MRPS7: variants seen among roughly 807,000 people sequenced by gnomAD.
MRPS7 encodes the protein small ribosomal subunit protein uS7m.
MRPS7 carries 13 observed loss-of-function variants against 26.2 expected under a neutral mutation model. That is an observed-to-expected ratio of 0.50 (90% CI 0.32 to 0.79). The LOEUF (loss-of-function observed/expected upper bound fraction) is 0.79. MRPS7 is among the 30% of genes least tolerant of loss of function. MRPS7 has a pLI of 0.03. For missense variants in MRPS7, 318 were observed against 312.2 expected (o/e 1.02, Z -0.14); for synonymous variants, 129 against 113.3 (o/e 1.14, Z -0.88).
chr17:75,266,149 G>T lies in MRPS7; in HGVS notation c.*226G>T. 1.8e-6 allele frequency: 1 copy of T among 566,216 alleles called. No individual in the cohort carries two copies. Among genetic ancestry groups the T allele is most frequent in the Non-Finnish European group, 3.1e-6 (1 of 318,416 alleles). The allele number at this position is 566,216 out of a possible 1,614,324, so 35.1% of individuals were successfully genotyped here. On this transcript the variant is annotated 3_prime_UTR_variant, in exon 5 of 5. Transcript: ENST00000245539. ...TGTAAAGAGGGAGCACATTGACTTG[G>T]GAATTTCCTCCAGGAAACTCAGGGC...
At chr17:75,264,248 A>C (rs2077452454) in intron 4 of MRPS7, 1 of 151,972 alleles carries the variant, frequency 6.6e-6, no homozygotes, top group Admixed American at 6.6e-5. Flanking sequence ...AATTATAGGC[A>C]GAAGGTGGAA....
At chr17:75,265,362 A>ACAG (rs1598481125) in intron 4 of MRPS7, among the ~76,000 whole-genome samples, 2 of 150,502 alleles carry the variant, frequency 1.3e-5, no homozygotes, top group East Asian at 3.9e-4. Flanking sequence ...ATATATGGAG[A>ACAG]CAGGGTCTTG....
chr17:75,262,114 C>T, intron 1 of MRPS7, 131 bp downstream of exon 1: 3 of 1,045,158 alleles, frequency 2.9e-6, no homozygotes, highest in Non-Finnish European at 4.1e-6. Context: ...TCTAAGTTAG[C>T]TGCGTGACCC....
In MRPS7 at chr17:75,262,785, G is replaced by A. The variant is rs1484001405; in HGVS notation, c.276-19G>A. ...GATACAGCCTTGGAGAGCTAAACGT[G>A]TTGCTTTTCTCTTTGAAGTAAATTC... On this transcript the variant is annotated intron_variant, in intron 2 of 4. Coordinates refer to ENST00000245539, the MANE Select transcript of MRPS7 (RefSeq NM_015971.4). The A allele has an allele frequency of 1.9e-6, 3 of 1,613,968 alleles. No homozygotes were observed. The highest frequency in any genetic ancestry group is 1.7e-6 in the Non-Finnish European group (2 of 1,179,994).
rs780517457 is a variant in MRPS7, at chr17:75,265,742, C to T, written c.548C>T (p.Ala183Val). The stretch of plus-strand genomic sequence containing the variant: ...CCCGACCGGCGTCGCCGCTTCCTAG[C>T]CATGAAGTGGATGATCACTGAGTGC... ...PLPDRRRRFL[A>V]MKWMITECRD... Residue 183 changes from alanine to valine, a missense_variant, in exon 5 of 5, where the codon GCC becomes GTC. Transcript: ENST00000245539. 6.2e-7 allele frequency: 1 copy of T among 1,614,126 alleles called. No homozygotes were observed. Among genetic ancestry groups the T allele is most frequent in the Non-Finnish European group, 8.5e-7 (1 of 1,180,046 alleles).
At chr17:75,262,326 A>G in intron 1 of MRPS7, 171 bp from the exon 2 acceptor site, 1 of 768,970 alleles carries the variant, frequency 1.3e-6, no homozygotes, top group Non-Finnish European at 2.2e-6. Flanking sequence ...CTGCTTGGGG[A>G]ATGTCCTCCT....
rs1211405579 is a variant in MRPS7 at position 75,261,906 on chromosome 17, T to C, written c.6T>C (p.Ala2=). The C allele has an allele frequency of 6.2e-7, 1 of 1,608,688 alleles. No homozygotes were observed. The highest frequency in any genetic ancestry group is 1.7e-5 in the Admixed American group (1 of 59,940). The stretch of plus-strand genomic sequence containing the variant: ...GGTCCTCGTGGCCAGCCAAGATGGC[T>C]GCCCCCGCAGTGAAGGTTGCCCGAG... The part of the protein sequence containing the change: M[A]APAVKVARGW... Residue 2 remains alanine, a synonymous_variant, in exon 1 of 5, where the codon GCT becomes GCC. Transcript: ENST00000245539.
In MRPS7 at chr17:75,266,244, G is replaced by C. The variant is rs942665991; in HGVS notation, c.*321G>C. On this transcript the variant is annotated 3_prime_UTR_variant, in exon 5 of 5. Transcript: ENST00000245539. The stretch of plus-strand genomic sequence containing the variant: ...AGGAAGCAGTTTTAGTATCAGAAAA[G>C]ATTTATTAGAAAATTCTCACGCTGA... 2.5e-6 allele frequency: 1 copy of C among 405,492 alleles called. No individual in the cohort carries two copies. Among genetic ancestry groups the C allele is most frequent in the African/African-American group, 2.0e-5 (1 of 49,440 alleles). 25.1% of individuals were successfully genotyped at this position (405,492 alleles called of 1,614,324 possible). A position where few individuals can be genotyped will look rare whatever the true frequency, so the allele number is the denominator to read the frequency against.
chr17:75,262,473 C>T (rs770339398), intron 1 of MRPS7, 24 bp from the exon 2 acceptor site: 2 of 1,609,570 alleles, frequency 1.2e-6, no homozygotes, highest in Non-Finnish European at 1.7e-6. Flanking sequence ...CTTTTGCCTG[C>T]CTCCTCCTTT....
At chr17:75,262,920 C>G in intron 3 of MRPS7, 53 bp downstream of exon 3, 1 of 1,550,644 alleles carries the variant, frequency 6.4e-7, no homozygotes. Flanking sequence ...ACCCCGTAGC[C>G]TTGTACTTGG....
In MRPS7 at chr17:75,265,702, G is replaced by A. The variant is rs769130683; in HGVS notation, c.508G>A (p.Val170Ile). The A allele has an allele frequency of 2.5e-6, 4 of 1,613,520 alleles. No homozygotes were observed. Among genetic ancestry groups the A allele is most frequent in the South Asian group, 1.1e-5 (1 of 91,086 alleles). ...PILKGGRFYQ[V>I]PVPLPDRRRR... Reference sequence around the variant, plus strand: ...CTTGCCTATGTCCTGTCTCACCCAGGTCCCTGTACCCCTACCCGACCGGCG... The same window carrying A: ...CTTGCCTATGTCCTGTCTCACCCAGATCCCTGTACCCCTACCCGACCGGCG... Residue 170 changes from valine to isoleucine, a missense_variant and splice_region_variant, in exon 5 of 5, where the codon GTC (valine) becomes ATC (isoleucine). By Grantham distance (29) the Val-to-Ile change is conservative. Coordinates refer to ENST00000245539, the MANE Select transcript of MRPS7 (RefSeq NM_015971.4).
At chr17:75,262,141 T>C in intron 1 of MRPS7, 158 bp downstream of exon 1, 1 of 856,580 alleles carries the variant, frequency 1.2e-6, no homozygotes, top group Middle Eastern at 3.5e-4. Flanking sequence ...AATCCGAAGG[T>C]TTAGTGACTA....
In MRPS7 at chr17:75,263,443, C is replaced by T; in HGVS notation, c.443C>T (p.Ala148Val). 4 of 1,614,100 alleles carry T rather than the reference C, an allele frequency of 2.5e-6. No individual in the cohort carries two copies. Among genetic ancestry groups the T allele is most frequent in the Non-Finnish European group, 3.4e-6 (4 of 1,180,030 alleles). Reference protein sequence around the residue: ...ERNPYTIFHQALKNCEPMIGL... With the variant: ...ERNPYTIFHQVLKNCEPMIGL... ...AACCCCTACACCATCTTCCATCAAG[C>T]ACTGAAAAACTGTGAGCCTATGATT... Residue 148 changes from alanine (A) to valine (V), a missense_variant, in exon 4 of 5, where the codon GCA becomes GTA. Physicochemically the swap from Ala to Val is moderately conservative, Grantham distance 64 (BLOSUM62 0). Transcript: ENST00000245539.
chr17:75,261,889 T>TG lies in MRPS7; in HGVS notation c.-10dup. 1 of 1,607,416 alleles carries TG rather than the reference T, an allele frequency of 6.2e-7. No homozygotes were observed. Among genetic ancestry groups the TG allele is most frequent in the South Asian group, 1.1e-5 (1 of 90,862 alleles). ...GAGGGCAGTCCTTGTGGGGTCCTCG[T>TG]GGCCAGCCAAGATGGCTGCCCCCGC... is the stretch of plus-strand genomic sequence containing the variant. On this transcript the variant is annotated 5_prime_UTR_variant, in exon 1 of 5. Coordinates refer to ENST00000245539, the MANE Select transcript of MRPS7 (RefSeq NM_015971.4).
At chr17:75,264,298 C>G (rs964790311) in intron 4 of MRPS7, 2 of 152,122 alleles carry the variant, frequency 1.3e-5, no homozygotes, top group Admixed American at 1.3e-4. Flanking sequence ...GGGAGCCCAC[C>G]TCCCTTCGCC....
Position 75,263,130 on chromosome 17 carries a change from C to A in MRPS7, c.340-210C>A, listed in dbSNP as rs115316560. ...CTGCCATTCCCCACCTCACCCCCCACCCCCTCCATGCCACAAATCTCAATC... is the reference window on the plus strand; with the variant it reads ...CTGCCATTCCCCACCTCACCCCCCAACCCCTCCATGCCACAAATCTCAATC... On this transcript the variant is annotated intron_variant, in intron 3 of 4. Transcript: ENST00000245539. 4.3e-3 allele frequency: 2,733 copies of A among 639,354 alleles called. 70 individuals carry two copies. In the African/African-American group the frequency reaches 0.046, roughly 11 times the overall value. The allele number at this position is 639,354 out of a possible 1,614,324, so 39.6% of individuals were successfully genotyped here.
At chr17:75,265,475 A>T (rs1361673750) in intron 4 of MRPS7, among the ~76,000 whole-genome samples, 1 of 151,986 alleles carries the variant, frequency 6.6e-6, no homozygotes. Flanking sequence ...GTGCCGGGAG[A>T]GGCCAGTGCT....
rs1043624833 is a variant in MRPS7 at position 75,265,982 on chromosome 17, G to A, written c.*59G>A. On this transcript the variant is annotated 3_prime_UTR_variant, in exon 5 of 5. Transcript: ENST00000245539. ...AAGAAACAGTGTGAGCTACTGCCAC[G>A]CTGAAAACTACCTGTGGGTTAAGGA... 73 of 1,503,426 alleles carry A rather than the reference G, an allele frequency of 4.9e-5. No individual in the cohort carries two copies. In the South Asian group the frequency reaches 7.4e-4, roughly 15 times the overall value. The allele number at this position is 1,503,426 out of a possible 1,614,324, so 93.1% of individuals were successfully genotyped here.
chr17:75,265,384 A>G (rs1048313814), intron 4 of MRPS7, among the ~76,000 whole-genome samples: 1 of 151,320 alleles, frequency 6.6e-6, no homozygotes, highest in African/African-American at 2.4e-5. Flanking sequence ...TATATTGACG[A>G]GGCTGGTCTT....
Sources: allele counts gnomAD v4.1 joint callset (sites outside exome capture counted in the v4.1 genomes callset), GRCh38; gene constraint gnomAD v4.1.1; transcripts MANE v1.5; gene names NCBI Gene and HGNC (gene_info 2026-07-23, HGNC 2026-07-21).